SND1: variants seen among roughly 807,000 people sequenced by gnomAD.
The protein encoded by SND1 is staphylococcal nuclease domain-containing protein 1.
Under a neutral mutation model 121.7 loss-of-function variants are expected in SND1, and 38 were observed. The ratio of observed to expected loss-of-function variants is 0.31; its 90% CI spans 0.24 to 0.41. The LOEUF is 0.41. SND1 is among the 10% of genes least tolerant of loss of function. The pLI is 1.00. For missense variants in SND1, 868 were observed against 1,184.6 expected (o/e 0.73, Z 3.92); for synonymous variants, 401 against 447.4 (o/e 0.90, Z 1.31).
intron 10 of SND1, among the ~76,000 whole-genome samples, chr7:127,733,366 A>G (rs1796715061): frequency 6.6e-6 from 1 of 152,162 alleles, no homozygotes; most frequent in African/African-American, 2.4e-5. Flanking sequence ...TGACTCTCCC[A>G]TCCCCATGCT....
rs559386722 is a variant in SND1, at chr7:127,913,708, C to A, written c.1527+8889C>A. Among the ~76,000 whole-genome samples the A allele has an allele frequency of 8.5e-5, 13 of 152,300 alleles. No homozygotes were observed. The South Asian group carries it at 2.5e-3, about 29-fold the overall frequency. On this transcript the variant is annotated intron_variant, in intron 14 of 23. Coordinates refer to ENST00000354725, the MANE Select transcript of SND1 (RefSeq NM_014390.4). ...GAGGTGTGTGATTGGATTGTCTGAT[C>A]TGTCCCATGGCTGCTGAGTGATGTG...
At chr7:128,058,738 A>C (rs971364635) in intron 16 of SND1, among the ~76,000 whole-genome samples, 4 of 152,136 alleles carry the variant, frequency 2.6e-5, no homozygotes, top group Admixed American at 6.5e-5. Flanking sequence ...TCCATTCACA[A>C]GCTTCCACAT....
At chr7:128,055,876 A>G (rs997300321) in intron 16 of SND1, among the ~76,000 whole-genome samples, 3 of 152,068 alleles carry the variant, frequency 2.0e-5, no homozygotes, top group African/African-American at 7.2e-5. Context: ...TCAAAAACTT[A>G]GACATCTGGG....
chr7:127,931,719 T>TTAAG (rs1456731600), intron 15 of SND1, among the ~76,000 whole-genome samples: 1 of 152,146 alleles, frequency 6.6e-6, no homozygotes, highest in Non-Finnish European at 1.5e-5. Flanking sequence ...GCTGGTGACT[T>TTAAG]TAAGTTAAAG....
At chr7:127,898,406 C>T (rs1215263009) in intron 13 of SND1, among the ~76,000 whole-genome samples, 1 of 152,056 alleles carries the variant, frequency 6.6e-6, no homozygotes, top group Non-Finnish European at 1.5e-5. Context: ...AATCTTAGTG[C>T]CCCCACCTAC....
At chr7:127,892,232 GC>G (rs1800021753) in intron 13 of SND1, among the ~76,000 whole-genome samples, 1 of 152,124 alleles carries the variant, frequency 6.6e-6, no homozygotes. Flanking sequence ...GGGCTCTGCA[GC>G]CCCTACTTCC....
chr7:127,656,012 C>T (rs1795204317), intron 1 of SND1, among the ~76,000 whole-genome samples: 3 of 152,312 alleles, frequency 2.0e-5, no homozygotes, highest in South Asian at 4.1e-4. Flanking sequence ...TCACCTTACC[C>T]TCCCCTCACC....
intron 10 of SND1, among the ~76,000 whole-genome samples, chr7:127,764,203 A>G (rs1203551968): frequency 1.3e-5 from 2 of 152,212 alleles, no homozygotes; most frequent in African/African-American, 2.4e-5. Context: ...GCGATTTCAT[A>G]AGAGCAAACT....
At chr7:127,957,431 C>T (rs1189993873) in intron 15 of SND1, among the ~76,000 whole-genome samples, 3 of 152,138 alleles carry the variant, frequency 2.0e-5, no homozygotes, top group African/African-American at 7.2e-5. Context: ...TGTTCTGCTG[C>T]TTCCACAACT....
chr7:127,718,168 G>A (rs536776926), intron 9 of SND1, among the ~76,000 whole-genome samples: 1 of 152,114 alleles, frequency 6.6e-6, no homozygotes, highest in African/African-American at 2.4e-5. Flanking sequence ...CTTGGTGTGT[G>A]GGGTGTGAGC....
chr7:127,669,642 AAGCCTAT>A (rs1199730694), intron 1 of SND1, among the ~76,000 whole-genome samples: 6 of 152,168 alleles, frequency 3.9e-5, no homozygotes, highest in Non-Finnish European at 7.4e-5. Flanking sequence ...ATTTACCCCA[AAGCCTAT>A]ATCCAATACC....
At chr7:127,821,774 A>C (rs1798554174) in intron 11 of SND1, among the ~76,000 whole-genome samples, 1 of 152,202 alleles carries the variant, frequency 6.6e-6, no homozygotes, top group African/African-American at 2.4e-5. Flanking sequence ...GATTTTAAAA[A>C]ATTTTTCTTC....
intron 10 of SND1, among the ~76,000 whole-genome samples, chr7:127,796,361 T>TA (rs1403578447): frequency 6.6e-6 from 1 of 152,098 alleles, no homozygotes; most frequent in Admixed American, 6.5e-5. Context: ...TCACAAGAAA[T>TA]AGAGTTTTAG....
intron 16 of SND1, chr7:128,028,660 G>C (rs571581658): frequency 6.3e-7 from 1 of 1,594,762 alleles, no homozygotes; most frequent in African/African-American, 1.3e-5. Flanking sequence ...CATTTTATAA[G>C]TTTTTTGGGG....
At chr7:128,054,753 G>A (rs1469083771) in intron 16 of SND1, among the ~76,000 whole-genome samples, 1 of 152,052 alleles carries the variant, frequency 6.6e-6, no homozygotes, top group East Asian at 1.9e-4. Context: ...TGCCTGCCTC[G>A]TGACCTACAA....
At chr7:127,850,075 T>G (rs1343156995) in intron 12 of SND1, among the ~76,000 whole-genome samples, 1 of 152,236 alleles carries the variant, frequency 6.6e-6, no homozygotes, top group Non-Finnish European at 1.5e-5. Flanking sequence ...TGCTTTTTCT[T>G]TGGTTCTAAT....
chr7:128,029,823 A>G lies in SND1; in HGVS notation c.1779+38767A>G. 6.2e-7 allele frequency: 1 copy of G among 1,613,650 alleles called. No individual in the cohort carries two copies. The highest frequency in any genetic ancestry group is 1.1e-5 in the South Asian group (1 of 91,084). ...CAAAGAAGAGAGGTTATTGTGGGCC[A>G]AGTTGAGTTCCACAAGTGAAGCCAG... On this transcript the variant is annotated intron_variant, in intron 16 of 23. Coordinates refer to ENST00000354725, the MANE Select transcript of SND1 (RefSeq NM_014390.4). The surrounding 1 kb of genome is among the most constrained non-coding windows in gnomAD (Gnocchi z 4.2).
intron 16 of SND1, among the ~76,000 whole-genome samples, chr7:128,023,787 G>C (rs1803412469): frequency 6.6e-6 from 1 of 152,162 alleles, no homozygotes; most frequent in African/African-American, 2.4e-5. Context: ...GTGTGTTTGT[G>C]TGTATTGTCA....
At chr7:127,987,030 C>G (rs1407098612) in intron 15 of SND1, among the ~76,000 whole-genome samples, 1 of 152,224 alleles carries the variant, frequency 6.6e-6, no homozygotes, top group African/African-American at 2.4e-5. Flanking sequence ...GTTAATATAT[C>G]TTTATCAGCA....
Sources: allele counts gnomAD v4.1 joint callset (sites outside exome capture counted in the v4.1 genomes callset), GRCh38; gene constraint gnomAD v4.1.1; non-coding constraint Gnocchi (gnomAD v3.1); transcripts MANE v1.5; gene names NCBI Gene and HGNC (gene_info 2026-07-23, HGNC 2026-07-21).